WNK2: variants seen among roughly 807,000 people sequenced by gnomAD.
WNK2 encodes the protein serine/threonine-protein kinase WNK2.
A neutral mutation model predicts 192.1 loss-of-function variants in WNK2; 67 were observed. That is an observed-to-expected ratio of 0.35 (90% CI 0.29 to 0.43). The LOEUF (loss-of-function observed/expected upper bound fraction) is 0.43, where lower values mean the gene tolerates loss of function less well. WNK2 is among the 20% of genes least tolerant of loss of function. The probability of loss-of-function intolerance (pLI) is 1.00; values close to 1 mark genes in which losing one functional copy is unlikely to be tolerated. For missense variants in WNK2, 2,698 were observed against 3,089.7 expected (o/e 0.87, Z 3.01); for synonymous variants, 1,439 against 1,393.9 (o/e 1.03, Z -0.72).
intron 2 of WNK2, among the ~76,000 whole-genome samples, chr9:93,186,069 C>A (rs745715600): frequency 3.3e-5 from 5 of 152,084 alleles, no homozygotes; most frequent in Non-Finnish European, 5.9e-5. Flanking sequence ...TCTGGGCTGC[C>A]CATAAATTAG....
intron 8 of WNK2, among the ~76,000 whole-genome samples, chr9:93,252,601 C>T (rs941758113): frequency 7.2e-5 from 11 of 152,196 alleles, no homozygotes; most frequent in African/African-American, 2.7e-4. Context: ...GCCCAGGCCA[C>T]GGCGGGCTGG....
At chr9:93,283,044 C>G (rs375489221) in intron 19 of WNK2, among the ~76,000 whole-genome samples, 1 of 152,302 alleles carries the variant, frequency 6.6e-6, no homozygotes, top group African/African-American at 2.4e-5. Flanking sequence ...TTATAAATAT[C>G]TCATTCGGCA....
At chr9:93,185,662 G>T in intron 2 of WNK2, 52 bp downstream of exon 2, 2 of 1,560,478 alleles carry the variant, frequency 1.3e-6, no homozygotes, top group South Asian at 2.3e-5. Flanking sequence ...GTCCGCGAGT[G>T]CGTCCTTGGG....
In WNK2 at chr9:93,262,062, C is replaced by T. The variant is rs1210228642; in HGVS notation, c.3315C>T (p.Ala1105=). Residue 1105 remains alanine (A), a synonymous_variant, in exon 13 of 30, where the codon GCC becomes GCT. Transcript: ENST00000427277. ...CGCTGCCTGGCGGGCCCGGGATCGC[C>T]AGCCCTTGCCCAACTGTCCAGCTGA... is the stretch of plus-strand genomic sequence containing the variant. ...NPPLPGGPGI[A]SPCPTVQLTV... The T allele has an allele frequency of 5.6e-6, 9 of 1,609,408 alleles. No homozygotes were observed. Among genetic ancestry groups the T allele is most frequent in the Non-Finnish European group, 7.6e-6 (9 of 1,177,632 alleles).
chr9:93,315,423 T>C (rs1008391196), intron 28 of WNK2: 1 of 152,222 alleles, frequency 6.6e-6, no homozygotes, highest in African/African-American at 2.4e-5. Flanking sequence ...CCTGCCGCTG[T>C]GGGCTCCGTC....
intron 2 of WNK2, among the ~76,000 whole-genome samples, chr9:93,218,939 C>T (rs918126405): frequency 1.3e-5 from 2 of 152,200 alleles, no homozygotes; most frequent in Non-Finnish European, 2.9e-5. Flanking sequence ...GCTCTCAGGA[C>T]TCATGCAGGG....
intron 2 of WNK2, among the ~76,000 whole-genome samples, chr9:93,221,267 G>A (rs1836831426): frequency 6.6e-6 from 1 of 152,262 alleles, no homozygotes. Flanking sequence ...TGGGAAGCCA[G>A]TATGGACCGG....
In WNK2 at chr9:93,308,423, G is replaced by A. The variant is rs1853007227; in HGVS notation, c.6355G>A (p.Gly2119Ser). The change falls in exon 28 of 30, where the codon GGT becomes AGT. Residue 2119 changes from glycine (G) to serine (S), a missense_variant. Coordinates refer to ENST00000427277, the MANE Select transcript of WNK2 (RefSeq NM_006648.4). ...AQVNNSNNKK[G>S]TFTDDLHKLV... ...GGTGAACAACAGCAACAACAAGAAG[G>A]GTACCTTCACGGACGACCTGCACAA... The A allele has an allele frequency of 3.1e-6, 5 of 1,605,380 alleles. No individual in the cohort carries two copies. Among genetic ancestry groups the A allele is most frequent in the African/African-American group, 1.3e-5 (1 of 74,856 alleles).
At chr9:93,311,441 G>T (rs1330119582) in intron 28 of WNK2, among the ~76,000 whole-genome samples, 4 of 152,018 alleles carry the variant, frequency 2.6e-5, no homozygotes, top group African/African-American at 9.7e-5. Context: ...TATCCTTTTG[G>T]GTATAAACCC....
At chr9:93,266,453 A>G (rs1359102905) in intron 16 of WNK2, among the ~76,000 whole-genome samples, 9 of 152,256 alleles carry the variant, frequency 5.9e-5, no homozygotes, top group Non-Finnish European at 1.5e-5. Flanking sequence ...ACTTGAAAAG[A>G]AACATAATAG....
chr9:93,219,979 G>C lies in WNK2; in HGVS notation c.682-9717G>C, dbSNP rs140089240. Among the ~76,000 whole-genome samples, 889 of 152,348 alleles carry C rather than the reference G, an allele frequency of 5.8e-3. 7 individuals are homozygous for C. Among genetic ancestry groups the C allele is most frequent in the African/African-American group, 0.02 (836 of 41,568 alleles). ...GGCTGGGACATCACCTGGTGTTGGA[G>C]GCCTGGGGACCAAAGGGGATCCTCT... On this transcript the variant is annotated intron_variant, in intron 2 of 29. Transcript: ENST00000427277.
intron 2 of WNK2, among the ~76,000 whole-genome samples, chr9:93,213,800 CAA>C (rs1436083670): frequency 2.0e-5 from 3 of 151,916 alleles, no homozygotes; most frequent in African/African-American, 7.3e-5. Context: ...AAAAACAAAA[CAA>C]AACAAAACAA....
Position 93,292,936 on chromosome 9 carries a change from C to T in WNK2, c.5471C>T (p.Ala1824Val), listed in dbSNP as rs376124126. The T allele has an allele frequency of 7.2e-6, 11 of 1,527,994 alleles. No individual in the cohort carries two copies. In the East Asian group the frequency reaches 9.1e-5, roughly 13 times the overall value. 94.7% of individuals were successfully genotyped at this position (1,527,994 alleles called of 1,614,324 possible). The change falls in exon 23 of 30, where the codon GCG (alanine) becomes GTG (valine). Residue 1824 changes from alanine (A) to valine (V), a missense_variant. Coordinates refer to ENST00000427277, the MANE Select transcript of WNK2 (RefSeq NM_006648.4). ...PRARPPVQKQ[A>V]SLPVSGSVAG... Reference sequence around the variant, plus strand: ...GCGAGACCCCCGGTGCAGAAGCAGGCGTCCCTGCCCGTGAGTGGCAGCGTG... The same window carrying T: ...GCGAGACCCCCGGTGCAGAAGCAGGTGTCCCTGCCCGTGAGTGGCAGCGTG...
chr9:93,204,277 T>G (rs1261733299), intron 2 of WNK2, among the ~76,000 whole-genome samples: 1 of 152,112 alleles, frequency 6.6e-6, no homozygotes, highest in Admixed American at 6.5e-5. Context: ...GCCTGGGTGC[T>G]CAACATTTCT....
At chr9:93,189,830 C>T (rs930674918) in intron 2 of WNK2, among the ~76,000 whole-genome samples, 6 of 152,236 alleles carry the variant, frequency 3.9e-5, no homozygotes, top group African/African-American at 1.4e-4. Context: ...GTGCTTTGCC[C>T]CGATGGCCTC....
rs373796038 is a variant in WNK2 at position 93,314,790 on chromosome 9, T to C, written c.6517-2730T>C. ...TCAGGACTGTAGGGTAGATGCCTGATGATTTCCCATGGAAACTCTTGCAAA... is the reference window on the plus strand; with the variant it reads ...TCAGGACTGTAGGGTAGATGCCTGACGATTTCCCATGGAAACTCTTGCAAA... On this transcript the variant is annotated intron_variant, in intron 28 of 29. Transcript: ENST00000427277. Among the ~76,000 whole-genome samples, 7 of 152,284 alleles carry C rather than the reference T, an allele frequency of 4.6e-5. No homozygotes were observed. The East Asian group carries it at 1.4e-3, about 29-fold the overall frequency.
At chr9:93,300,340 C>G (rs903583995) in intron 26 of WNK2, 191 bp downstream of exon 26, 11 of 558,878 alleles carry the variant, frequency 2.0e-5, no homozygotes, top group African/African-American at 1.5e-4. Flanking sequence ...GCGCCTACCC[C>G]CAAGCCCCAC....
Position 93,290,040 on chromosome 9 carries a change from A to G in WNK2, c.4929A>G (p.Ser1643=). The change falls in exon 21 of 30, where the codon TCA becomes TCG. Residue 1643 remains serine (S), a synonymous_variant. Coordinates refer to ENST00000427277, the MANE Select transcript of WNK2 (RefSeq NM_006648.4). ...TGATGGAGCAGGGCACGTCCTCGTCAATGACAGGTAACAGCTTCCTGCTGA... is the reference window on the plus strand; with the variant it reads ...TGATGGAGCAGGGCACGTCCTCGTCGATGACAGGTAACAGCTTCCTGCTGA... ...GAVMEQGTSS[S]MTAESSPRSM... The G allele has an allele frequency of 6.4e-7, 1 of 1,568,922 alleles. No homozygotes were observed. The highest frequency in any genetic ancestry group is 8.7e-7 in the Non-Finnish European group (1 of 1,156,000).
chr9:93,217,236 C>A (rs1038979821), intron 2 of WNK2, among the ~76,000 whole-genome samples: 1 of 152,186 alleles, frequency 6.6e-6, no homozygotes, highest in Non-Finnish European at 1.5e-5. Flanking sequence ...GGATTACAGG[C>A]GAAAGCCACC....
Sources: gnomAD v4.1 joint callset for allele counts (sites outside exome capture counted in the v4.1 genomes callset) on GRCh38, gnomAD v4.1.1 for gene constraint, MANE v1.5 for transcripts, NCBI Gene and HGNC (gene_info 2026-07-23, HGNC 2026-07-21) for gene names.